The following LRRC4C variants were observed in gnomAD, a reference collection of about 807,000 sequenced individuals.
The protein encoded by LRRC4C is leucine rich repeat containing 4C, also known as leucine-rich repeat-containing protein 4C.
Under a neutral mutation model 33.6 loss-of-function variants are expected in LRRC4C, and 5 were observed. The observed-to-expected ratio is 0.15, with a 90% CI of 0.08 to 0.31. The LOEUF (loss-of-function observed/expected upper bound fraction) is 0.31. Among genes scored for constraint, LRRC4C ranks in the 10% least tolerant of loss-of-function variants. The probability of loss-of-function intolerance (pLI) is 1.00; values close to 1 mark genes in which losing one functional copy is unlikely to be tolerated. For missense variants in LRRC4C, 560 were observed against 796.7 expected (o/e 0.70, Z 3.58); for synonymous variants, 329 against 302.0 (o/e 1.09, Z -0.93).
intron 1 of LRRC4C, among the ~76,000 whole-genome samples, chr11:40,951,344 C>T (rs1362696426): frequency 6.6e-6 from 1 of 151,832 alleles, no homozygotes; most frequent in Non-Finnish European, 1.5e-5. Context: ...CACCAAAACA[C>T]ACATTGTGTA....
intron 1 of LRRC4C, among the ~76,000 whole-genome samples, chr11:40,940,827 G>T (rs1043648934): frequency 6.6e-6 from 1 of 151,880 alleles, no homozygotes; most frequent in African/African-American, 2.4e-5. Flanking sequence ...TACTAATTAT[G>T]CAATCACCTC....
chr11:40,152,236 G>C (rs571882146), intron 5 of LRRC4C, among the ~76,000 whole-genome samples: 2 of 152,336 alleles, frequency 1.3e-5, no homozygotes, highest in East Asian at 3.9e-4. Context: ...TTTACCTGGA[G>C]CTCAGTCAAG....
intron 2 of LRRC4C, among the ~76,000 whole-genome samples, chr11:40,690,223 C>T (rs1318095569): frequency 2.0e-5 from 3 of 152,012 alleles, no homozygotes; most frequent in Non-Finnish European, 2.9e-5. Flanking sequence ...GAGTTTTTCA[C>T]GTACTTTATT....
intron 2 of LRRC4C, among the ~76,000 whole-genome samples, chr11:40,832,664 CACA>C (rs1447583448): frequency 3.3e-5 from 5 of 152,088 alleles, no homozygotes; most frequent in Admixed American, 3.3e-4. Flanking sequence ...CTTTTTCTGG[CACA>C]ACACTTTGAA....
Position 40,853,636 on chromosome 11 carries a change from C to T in LRRC4C, c.-407+79999G>A, listed in dbSNP as rs150306238. Among the ~76,000 whole-genome samples the T allele has an allele frequency of 7.2e-3, 1,093 of 152,148 alleles. 15 individuals carry two copies. Among genetic ancestry groups the T allele is most frequent in the African/African-American group, 0.025 (1,035 of 41,528 alleles). ...CTGACTTGTTCTAAACTACGAACAC[C>T]CATGGGGTCATTAAAGTATTAGGCA... On this transcript the variant is annotated intron_variant, in intron 2 of 6. Coordinates refer to ENST00000528697, the MANE Select transcript of LRRC4C (RefSeq NM_001258419.2).
chr11:41,348,408 A>G (rs1951866955), intron 1 of LRRC4C, among the ~76,000 whole-genome samples: 1 of 152,166 alleles, frequency 6.6e-6, no homozygotes, highest in African/African-American at 2.4e-5. Context: ...TAAAAACACA[A>G]AAAATAGAGT....
At chr11:40,637,642 T>C (rs1441989846) in intron 3 of LRRC4C, among the ~76,000 whole-genome samples, 1 of 152,198 alleles carries the variant, frequency 6.6e-6, no homozygotes, top group Non-Finnish European at 1.5e-5. Context: ...CTTAATCTCT[T>C]TCTTACAACC....
chr11:40,689,559 G>A (rs529818165), intron 2 of LRRC4C, among the ~76,000 whole-genome samples: 5 of 152,120 alleles, frequency 3.3e-5, no homozygotes, highest in African/African-American at 7.2e-5. Flanking sequence ...ACTACAGAGA[G>A]CTCTAAATTG....
intron 1 of LRRC4C, among the ~76,000 whole-genome samples, chr11:41,427,830 G>T (rs905811944): frequency 2.0e-5 from 3 of 152,034 alleles, no homozygotes; most frequent in African/African-American, 7.2e-5. Context: ...AGTGAAAATG[G>T]CTGGTCCCTG....
At chr11:40,991,345 T>C (rs1180946788) in intron 1 of LRRC4C, among the ~76,000 whole-genome samples, 2 of 152,056 alleles carry the variant, frequency 1.3e-5, no homozygotes, top group Non-Finnish European at 2.9e-5. Flanking sequence ...TAATATATGA[T>C]GTTATAAAAT....
intron 2 of LRRC4C, among the ~76,000 whole-genome samples, chr11:40,915,590 A>T (rs1281914470): frequency 6.6e-6 from 1 of 152,196 alleles, no homozygotes; most frequent in Non-Finnish European, 1.5e-5. Flanking sequence ...AACCATAAAA[A>T]CCCTAGAAGA....
chr11:40,928,480 A>G (rs192995074), intron 2 of LRRC4C, among the ~76,000 whole-genome samples: 1 of 151,958 alleles, frequency 6.6e-6, no homozygotes, highest in South Asian at 2.1e-4. Context: ...AATATTTTCA[A>G]ATGGCAACAA....
chr11:41,137,101 A>C (rs1344259499), intron 1 of LRRC4C, among the ~76,000 whole-genome samples: 1 of 152,156 alleles, frequency 6.6e-6, no homozygotes, highest in Non-Finnish European at 1.5e-5. Flanking sequence ...TACAAAAATT[A>C]GCCAGGTATG....
intron 2 of LRRC4C, among the ~76,000 whole-genome samples, chr11:40,859,815 G>T (rs1349601035): frequency 6.6e-6 from 1 of 152,140 alleles, no homozygotes; most frequent in Admixed American, 6.5e-5. Flanking sequence ...GGTGGCTCAC[G>T]CCTGTAATCC....
intron 2 of LRRC4C, among the ~76,000 whole-genome samples, chr11:40,726,330 T>A (rs1042930766): frequency 6.6e-6 from 1 of 152,000 alleles, no homozygotes; most frequent in Non-Finnish European, 1.5e-5. Flanking sequence ...GACACCAAAA[T>A]CTGGGAAAGA....
chr11:40,349,868 G>A (rs774623205), intron 3 of LRRC4C, among the ~76,000 whole-genome samples: 8 of 151,868 alleles, frequency 5.3e-5, no homozygotes, highest in Admixed American at 1.3e-4. Flanking sequence ...ATTTGTATGC[G>A]ATTCTGACAC....
intron 6 of LRRC4C, among the ~76,000 whole-genome samples, chr11:40,127,594 T>C (rs1022544720): frequency 2.6e-5 from 4 of 152,204 alleles, no homozygotes; most frequent in African/African-American, 9.6e-5. Flanking sequence ...TTTGGAAAGT[T>C]TCTGCTCTTG....
Position 40,320,940 on chromosome 11 carries a change from G to T in LRRC4C, c.-269-1219C>A, listed in dbSNP as rs531540336. ...ATTTGTAGGTAAGTTATACTAAGGT[G>T]GTTGTAATCAACGAATTTGAGATTC... On this transcript the variant is annotated intron_variant, in intron 3 of 6. Coordinates refer to ENST00000528697, the MANE Select transcript of LRRC4C (RefSeq NM_001258419.2). 2.6e-5 allele frequency among the ~76,000 whole-genome samples: 4 copies of T among 152,062 alleles called. No individual in the cohort carries two copies. In the South Asian group the frequency reaches 6.2e-4, roughly 24 times the overall value.
At chr11:40,462,093 T>C (rs1298047207) in intron 3 of LRRC4C, among the ~76,000 whole-genome samples, 2 of 152,056 alleles carry the variant, frequency 1.3e-5, no homozygotes, top group Non-Finnish European at 2.9e-5. Context: ...TTCAGTATAG[T>C]GTTTGTAAAT....
Sources: allele counts gnomAD v4.1 joint callset (sites outside exome capture counted in the v4.1 genomes callset), GRCh38; gene constraint gnomAD v4.1.1; transcripts MANE v1.5; gene names NCBI Gene and HGNC (gene_info 2026-07-23, HGNC 2026-07-21).